Variants in GALNTL6 observed in about 807,000 individuals in gnomAD.
GALNTL6 encodes the protein polypeptide N-acetylgalactosaminyltransferase-like 6.
A neutral mutation model predicts 73.7 loss-of-function variants in GALNTL6; 46 were observed. The ratio of observed to expected loss-of-function variants is 0.62; its 90% CI spans 0.49 to 0.80. GALNTL6 has a LOEUF of 0.80. GALNTL6 is among the 30% of genes least tolerant of loss of function. The pLI is 0.00. For synonymous variants in GALNTL6, 259 were observed against 263.7 expected (o/e 0.98, Z 0.17); for missense variants, 604 against 755.0 (o/e 0.80, Z 2.34).
At chr4:172,608,697 G>A (rs1738403453) in intron 5 of GALNTL6, among the ~76,000 whole-genome samples, 1 of 152,018 alleles carries the variant, frequency 6.6e-6, no homozygotes, top group African/African-American at 2.4e-5. Flanking sequence ...TTGTTTGATA[G>A]GAATAGCACT....
chr4:172,388,592 A>G (rs572138473), intron 5 of GALNTL6, among the ~76,000 whole-genome samples: 1 of 152,226 alleles, frequency 6.6e-6, no homozygotes, highest in South Asian at 2.1e-4. Flanking sequence ...TATTTCACTG[A>G]GATTTGGCAT....
chr4:172,554,187 T>A (rs1375080342), intron 5 of GALNTL6, among the ~76,000 whole-genome samples: 1 of 152,224 alleles, frequency 6.6e-6, no homozygotes, highest in Non-Finnish European at 1.5e-5. Context: ...ATGGATTCTT[T>A]CAATATTGGA....
At chr4:172,175,468 G>GAA (rs1207840548) in intron 2 of GALNTL6, among the ~76,000 whole-genome samples, 1 of 152,150 alleles carries the variant, frequency 6.6e-6, no homozygotes, top group Non-Finnish European at 1.5e-5. Flanking sequence ...TTGTGAGATG[G>GAA]AAATAAGAGA....
At chr4:172,467,206 A>G (rs1171840153) in intron 5 of GALNTL6, among the ~76,000 whole-genome samples, 2 of 152,248 alleles carry the variant, frequency 1.3e-5, no homozygotes, top group African/African-American at 2.4e-5. Flanking sequence ...TTCAGGCTAC[A>G]GTTGGAATGA....
At chr4:171,895,885 T>C (rs1385673065) in intron 2 of GALNTL6, among the ~76,000 whole-genome samples, 3 of 151,770 alleles carry the variant, frequency 2.0e-5, no homozygotes, top group African/African-American at 7.3e-5. Context: ...CAAATGTATC[T>C]TGATTTTTAA....
chr4:172,360,170 A>G (rs963881824), intron 5 of GALNTL6, among the ~76,000 whole-genome samples: 2 of 152,226 alleles, frequency 1.3e-5, no homozygotes, highest in African/African-American at 4.8e-5. Flanking sequence ...AGATTCAGGG[A>G]TATATAATTC....
At chr4:172,897,342 A>G (rs2111229742) in intron 8 of GALNTL6, among the ~76,000 whole-genome samples, 1 of 152,152 alleles carries the variant, frequency 6.6e-6, no homozygotes, top group South Asian at 2.1e-4. Flanking sequence ...GCAGGCTCAG[A>G]CTCTCAGGCT....
chr4:172,986,975 A>G (rs1000930245), intron 10 of GALNTL6, among the ~76,000 whole-genome samples: 2 of 152,224 alleles, frequency 1.3e-5, no homozygotes, highest in African/African-American at 4.8e-5. Flanking sequence ...GTCAGTCCAA[A>G]CTGTAGAACA....
chr4:172,628,841 G>A (rs896294991), intron 5 of GALNTL6, among the ~76,000 whole-genome samples: 5 of 151,964 alleles, frequency 3.3e-5, no homozygotes, highest in African/African-American at 1.2e-4. Context: ...AGAAGAAAAT[G>A]TAACCTTTCT....
intron 2 of GALNTL6, among the ~76,000 whole-genome samples, chr4:172,056,236 C>T (rs1234030852): frequency 9.9e-5 from 15 of 152,080 alleles, no homozygotes; most frequent in Admixed American, 8.5e-4. Context: ...TTCTGCATAA[C>T]ATTGAAGTAT....
At chr4:172,639,143 G>A (rs1039743808) in intron 5 of GALNTL6, among the ~76,000 whole-genome samples, 1 of 151,990 alleles carries the variant, frequency 6.6e-6, no homozygotes, top group African/African-American at 2.4e-5. Flanking sequence ...TATCTGGTAG[G>A]GAGGGAGACT....
At chr4:172,699,171 T>C (rs1182871730) in intron 5 of GALNTL6, among the ~76,000 whole-genome samples, 1 of 152,076 alleles carries the variant, frequency 6.6e-6, no homozygotes, top group Non-Finnish European at 1.5e-5. Flanking sequence ...GGCTCTGTCC[T>C]TATGACTTAA....
chr4:172,792,465 C>T (rs1055840046), intron 5 of GALNTL6, among the ~76,000 whole-genome samples: 1 of 151,674 alleles, frequency 6.6e-6, no homozygotes, highest in Admixed American at 6.6e-5. Context: ...AAATGAAGTC[C>T]TGGAAGTATG....
At chr4:172,754,443 A>G (rs1442146825) in intron 5 of GALNTL6, among the ~76,000 whole-genome samples, 1 of 152,106 alleles carries the variant, frequency 6.6e-6, no homozygotes, top group African/African-American at 2.4e-5. Context: ...GTGATGGTGC[A>G]TGCCTGTAAT....
intron 4 of GALNTL6, among the ~76,000 whole-genome samples, chr4:172,345,201 T>C (rs1185227346): frequency 6.6e-6 from 1 of 152,034 alleles, no homozygotes; most frequent in Non-Finnish European, 1.5e-5. Flanking sequence ...AAAGCTATCA[T>C]TTGAACCTAG....
At chr4:172,437,317 G>A (rs1731670839) in intron 5 of GALNTL6, among the ~76,000 whole-genome samples, 1 of 151,938 alleles carries the variant, frequency 6.6e-6, no homozygotes, top group East Asian at 1.9e-4. Context: ...CACAATGATG[G>A]GTTAGCACTT....
intron 2 of GALNTL6, among the ~76,000 whole-genome samples, chr4:172,202,085 A>G (rs763213706): frequency 1.3e-5 from 2 of 152,238 alleles, no homozygotes; most frequent in Non-Finnish European, 2.9e-5. Flanking sequence ...TTAGTGAAAA[A>G]TATCATCTCA....
At chr4:173,035,096 CT>C (rs33964878) in intron 12 of GALNTL6, among the ~76,000 whole-genome samples, 9,760 of 140,054 alleles carry the variant, frequency 0.07, 1,050 homozygotes, top group African/African-American at 0.25. Flanking sequence ...ACAAACATTT[CT>C]TTTTTTTTTT....
intron 2 of GALNTL6, among the ~76,000 whole-genome samples, chr4:171,970,455 C>T (rs926380670): frequency 2.0e-4 from 31 of 152,156 alleles, no homozygotes; most frequent in African/African-American, 7.5e-4. Context: ...AATAAAATGA[C>T]AGAAATCTGG....
Sources: gnomAD v4.1 joint callset for allele counts (sites outside exome capture counted in the v4.1 genomes callset) on GRCh38, gnomAD v4.1.1 for gene constraint, MANE v1.5 for transcripts, NCBI Gene and HGNC (gene_info 2026-07-23, HGNC 2026-07-21) for gene names.